Variants in GIGYF2 observed in about 807,000 individuals in gnomAD.
GIGYF2 encodes the protein GRB10-interacting GYF protein 2.
A neutral mutation model predicts 208.1 loss-of-function variants in GIGYF2; 25 were observed. The observed-to-expected ratio is 0.12, with a 90% confidence interval of 0.09 to 0.17. The LOEUF is 0.17. GIGYF2 is among the 10% of genes least tolerant of loss of function. The pLI, the probability that GIGYF2 is intolerant of heterozygous loss-of-function variation, is 1.00. For missense variants in GIGYF2, 1,302 were observed against 1,579.4 expected, an observed-to-expected ratio of 0.82 and a Z score of 2.98; for synonymous variants, 534 against 543.8, an observed-to-expected ratio of 0.98 and a Z score of 0.25.
chr2:232,749,951 G>T (rs918370038), intron 5 of GIGYF2, among the ~76,000 whole-genome samples: 1 of 152,088 alleles, frequency 6.6e-6, no homozygotes, highest in Non-Finnish European at 1.5e-5. Context: ...TTGGGAGGCC[G>T]AGGTGGGCGG....
chr2:232,748,127 C>G (rs1666160869), intron 4 of GIGYF2, among the ~76,000 whole-genome samples: 1 of 152,140 alleles, frequency 6.6e-6, no homozygotes. Context: ...GGAGGAGCAC[C>G]TTCGGCTATA....
At chr2:232,816,736 A>T (rs767160741) in intron 19 of GIGYF2, 135 bp from the exon 20 acceptor site, 2 of 722,710 alleles carry the variant, frequency 2.8e-6, no homozygotes, top group East Asian at 5.3e-5. Context: ...TTATCTATTG[A>T]TCTGTTGGAT....
At chr2:232,825,205 CATT>C (rs1701212624) in intron 21 of GIGYF2, among the ~76,000 whole-genome samples, 1 of 152,166 alleles carries the variant, frequency 6.6e-6, no homozygotes, top group Non-Finnish European at 1.5e-5. Flanking sequence ...GTTCAAGTGT[CATT>C]ATTTAAGAAA....
chr2:232,701,683 C>T (rs1413739879), intron 1 of GIGYF2, among the ~76,000 whole-genome samples: 1 of 151,804 alleles, frequency 6.6e-6, no homozygotes, highest in Non-Finnish European at 1.5e-5. Context: ...TTCAGCTTCC[C>T]AAAGTGTTGA....
chr2:232,801,423 G>C (rs1700395986), intron 14 of GIGYF2, among the ~76,000 whole-genome samples: 2 of 152,150 alleles, frequency 1.3e-5, no homozygotes, highest in African/African-American at 4.8e-5. Flanking sequence ...TACTTGGGAG[G>C]CTGAGGCAGG....
At chr2:232,828,113 C>T (rs1362584657) in intron 21 of GIGYF2, among the ~76,000 whole-genome samples, 1 of 152,070 alleles carries the variant, frequency 6.6e-6, no homozygotes, top group Non-Finnish European at 1.5e-5. Context: ...CCTCAGTCTC[C>T]TGAGTAGGTG....
intron 1 of GIGYF2, among the ~76,000 whole-genome samples, chr2:232,701,233 CTTG>C (rs1445230907): frequency 6.6e-6 from 1 of 151,788 alleles, no homozygotes; most frequent in Non-Finnish European, 1.5e-5. Context: ...TTTATATTTT[CTTG>C]TTAACTATGG....
intron 14 of GIGYF2, among the ~76,000 whole-genome samples, chr2:232,805,228 T>G (rs1278306268): frequency 6.6e-6 from 1 of 152,262 alleles, no homozygotes; most frequent in Non-Finnish European, 1.5e-5. Context: ...GTCACTTCAC[T>G]TCTGTTGGTT....
At chr2:232,855,381 A>G (rs1690524820) in intron 28 of GIGYF2, among the ~76,000 whole-genome samples, 1 of 152,166 alleles carries the variant, frequency 6.6e-6, no homozygotes, top group African/African-American at 2.4e-5. Context: ...TTCAGCTGTC[A>G]GTTGTGTTTG....
chr2:232,795,041 A>G (rs1169246798), intron 13 of GIGYF2, 97 bp downstream of exon 13: 1 of 903,548 alleles, frequency 1.1e-6, no homozygotes, highest in Non-Finnish European at 1.9e-6. Flanking sequence ...TTGTCACTAG[A>G]TTTTAAGTAC....
chr2:232,711,426 T>C (rs1343502491), intron 2 of GIGYF2, among the ~76,000 whole-genome samples: 4 of 151,776 alleles, frequency 2.6e-5, no homozygotes, highest in Non-Finnish European at 4.4e-5. Context: ...GGTTTTTTAG[T>C]TGTATCTATC....
In GIGYF2 at chr2:232,812,003, A is replaced by G. The variant is rs1202230672; in HGVS notation, c.2007-388A>G. Among the ~76,000 whole-genome samples, 3 of 152,354 alleles carry G rather than the reference A, an allele frequency of 2.0e-5. 1 individual carries two copies. The East Asian group carries it at 5.8e-4, about 29-fold the overall frequency. ...GTAGGACTTGATTAATGTAACACAC[A>G]GGAAACTCAGAACTAAAATGCAGAC... On this transcript the variant is annotated intron_variant, in intron 17 of 28. Transcript: ENST00000373563.
chr2:232,793,600 G>T (rs1027384216), intron 12 of GIGYF2, among the ~76,000 whole-genome samples: 2 of 152,172 alleles, frequency 1.3e-5, no homozygotes, highest in Admixed American at 1.3e-4. Flanking sequence ...TGGAGATGGC[G>T]AGAGAGCAGT....
chr2:232,815,576 G>C, intron 18 of GIGYF2, 61 bp from the exon 19 acceptor site: 2 of 911,704 alleles, frequency 2.2e-6, no homozygotes, highest in Non-Finnish European at 3.7e-6. Context: ...TGATTCCTAC[G>C]GATATGTCAC....
chr2:232,758,951 T>C (rs2106324217), intron 6 of GIGYF2, among the ~76,000 whole-genome samples: 1 of 152,244 alleles, frequency 6.6e-6, no homozygotes, highest in South Asian at 2.1e-4. Context: ...AAACTGTGAG[T>C]TGACTTTAAG....
intron 21 of GIGYF2, among the ~76,000 whole-genome samples, chr2:232,824,972 A>G (rs142606564): frequency 0.019 from 2,945 of 152,328 alleles, 113 homozygotes; most frequent in African/African-American, 0.066. Context: ...TAAATGGAAC[A>G]GCAAAGCCTG....
At chr2:232,856,725 C>A (rs1295269295) in intron 28 of GIGYF2, 68 bp from the exon 29 acceptor site, 4 of 925,966 alleles carry the variant, frequency 4.3e-6, no homozygotes, top group Non-Finnish European at 7.3e-6. Context: ...CATTCCAGCT[C>A]ACCGCCTAGA....
chr2:232,791,511 G>C, intron 12 of GIGYF2, 65 bp downstream of exon 12: 2 of 1,395,616 alleles, frequency 1.4e-6, no homozygotes, highest in South Asian at 2.4e-5. Context: ...TCACTGATAA[G>C]TTAGGCTTCT....
At chr2:232,841,135 A>G (rs572118494) in intron 23 of GIGYF2, among the ~76,000 whole-genome samples, 1 of 152,276 alleles carries the variant, frequency 6.6e-6, no homozygotes, top group Non-Finnish European at 1.5e-5. Context: ...TTATCAACAA[A>G]TGGATGCAGA....
Sources: allele counts gnomAD v4.1 joint callset (sites outside exome capture counted in the v4.1 genomes callset), GRCh38; gene constraint gnomAD v4.1.1; transcripts MANE v1.5; gene names NCBI Gene and HGNC (gene_info 2026-07-23, HGNC 2026-07-21).